UPK1A: variants seen among roughly 807,000 people sequenced by gnomAD.
UPK1A encodes the protein uroplakin-1a.
In UPK1A, 31 loss-of-function variants were observed where a neutral mutation model predicts 32.3. The ratio of observed to expected loss-of-function variants is 0.96; its 90% CI spans 0.72 to 1.30. UPK1A has a LOEUF of 1.30. Among genes scored for constraint, UPK1A ranks in the 50% most tolerant of loss-of-function variants. The pLI is 0.00. For synonymous variants in UPK1A, 135 were observed against 137.1 expected (o/e 0.98, Z 0.11); for missense variants, 340 against 357.4 (o/e 0.95, Z 0.39).
chr19:35,670,520 TCTCCCCTCCCCTCCCCTCCTTTCCC>T (rs1717734597), intron 3 of UPK1A, among the ~76,000 whole-genome samples: 2 of 12,820 alleles, frequency 1.6e-4, no homozygotes, highest in Non-Finnish European at 3.0e-4. Flanking sequence ...CCTCGCCTCC[TCTCCCCTCCCCTCCCCTCCTTTCCC>T]CTCCCCTCCC....
chr19:35,676,876 G>A, intron 6 of UPK1A, among the ~76,000 whole-genome samples: 1 of 151,714 alleles, frequency 6.6e-6, no homozygotes, highest in East Asian at 2.0e-4. Context: ...CCCAGCCTGG[G>A]CGACAGAGTG....
At chr19:35,671,458 CTTT>C (rs34302366) in intron 3 of UPK1A, among the ~76,000 whole-genome samples, 6 of 79,694 alleles carry the variant, frequency 7.5e-5, no homozygotes, top group Admixed American at 1.9e-4. Flanking sequence ...CCCCAAATTT[CTTT>C]TTTTTTTTTT....
At position 35,675,828 on chromosome 19, in the gene UPK1A, T is replaced by A; in HGVS notation, c.469-12T>A. Reference sequence around the variant, plus strand: ...AGCCCGAGCCTGCCTGACCCCCTGCTTTTCACTCTAGCAAGAATGCTGTGG... The same window carrying A: ...AGCCCGAGCCTGCCTGACCCCCTGCATTTCACTCTAGCAAGAATGCTGTGG... On this transcript the variant is annotated splice_polypyrimidine_tract_variant and intron_variant, in intron 5 of 7. Coordinates refer to ENST00000617999, the Ensembl canonical transcript of UPK1A. 6.3e-7 allele frequency: 1 copy of A among 1,597,814 alleles called. No individual in the cohort carries two copies.
At chr19:35,673,588 TC>T in intron 5 of UPK1A, 43 bp downstream of exon 5, 1 of 1,576,512 alleles carries the variant, frequency 6.3e-7, no homozygotes, top group Non-Finnish European at 8.7e-7. Context: ...CTGGGCTCCG[TC>T]CACAGAGGCC....
intron 3 of UPK1A, 91 bp downstream of exon 3, chr19:35,668,745 G>A (rs67400004): frequency 0.13 from 175,165 of 1,389,322 alleles, 12,272 homozygotes; most frequent in South Asian, 0.21. Flanking sequence ...AGCCACTAGT[G>A]TGAGTTCCCC....
chr19:35,676,198 T>TCTTTCTTTCTTTC (rs576312064), intron 6 of UPK1A, 179 bp downstream of exon 6: 46,063 of 812,860 alleles, frequency 0.057, 1,579 homozygotes, highest in Non-Finnish European at 0.058. Context: ...TTTCTTTCTT[T>TCTTTCTTTCTTTC]TTTTTTTTTC....
chr19:35,667,990 A>G lies in UPK1A; in HGVS notation c.85-464A>G, dbSNP rs183659229. The G allele has an allele frequency of 3.6e-5, 8 of 222,490 alleles. No individual in the cohort carries two copies. The East Asian group carries it at 1.0e-3, about 28-fold the overall frequency. 13.8% of individuals were successfully genotyped at this position (222,490 alleles called of 1,614,324 possible). On this transcript the variant is annotated intron_variant, in intron 2 of 7. Coordinates refer to ENST00000617999, the Ensembl canonical transcript of UPK1A. ...TTTTTTGTAGAGACGGGGTCTCACT[A>G]TTGCCCAGGCTAGTCTCAAACTCCT...
intron 6 of UPK1A, 42 bp from the exon 7 acceptor site, chr19:35,677,770 C>G (rs759082745): frequency 3.7e-6 from 6 of 1,610,142 alleles, no homozygotes; most frequent in African/African-American, 1.3e-5. Flanking sequence ...AGCGGCTACC[C>G]TCATGGGCGT....
At chr19:35,676,460 G>A (rs1243502131) in intron 6 of UPK1A, 2 of 253,208 alleles carry the variant, frequency 7.9e-6, no homozygotes, top group East Asian at 2.9e-4. Flanking sequence ...AAAGTGCTCA[G>A]ATTACAGGCG....
exon 3 of UPK1A, chr19:35,668,528 A>G: frequency 6.2e-7 from 1 of 1,614,120 alleles, no homozygotes; most frequent in Non-Finnish European, 8.5e-7. Flanking sequence ...CACTGATGGG[A>G]GTCTCAGGCA....
At chr19:35,673,612 G>A (rs1398521513) in intron 5 of UPK1A, 67 bp downstream of exon 5, 7 of 1,420,984 alleles carry the variant, frequency 4.9e-6, no homozygotes, top group Non-Finnish European at 6.8e-6. Flanking sequence ...TAGAGCTCCC[G>A]ATGTGCCAGC....
intron 5 of UPK1A, among the ~76,000 whole-genome samples, chr19:35,674,380 G>A (rs995458772): frequency 9.3e-5 from 14 of 151,300 alleles, no homozygotes; most frequent in Non-Finnish European, 1.3e-4. Flanking sequence ...CCGAATAGCT[G>A]GGACTACAGG....
chr19:35,671,401 A>AG (rs1054789279), intron 3 of UPK1A, among the ~76,000 whole-genome samples: 1 of 142,574 alleles, frequency 7.0e-6, no homozygotes, highest in Non-Finnish European at 1.5e-5. Flanking sequence ...AAAAAAAAAA[A>AG]TTGTGTCTGT....
chr19:35,669,320 T>C (rs67039774), intron 3 of UPK1A, among the ~76,000 whole-genome samples: 63,061 of 151,676 alleles, frequency 0.42, 14,467 homozygotes, highest in African/African-American at 0.62. Flanking sequence ...GAATAACCCA[T>C]ACTTCCCAAG....
At chr19:35,673,571 G>C in intron 5 of UPK1A, 26 bp downstream of exon 5, 1 of 1,606,832 alleles carries the variant, frequency 6.2e-7, no homozygotes, top group Non-Finnish European at 8.5e-7. Context: ...CGGGTGCTGG[G>C]AGGGCCCTGG....
rs768871477 is a variant in UPK1A at position 35,673,561 on chromosome 19, C to T, written c.468+16C>T. ...CATGATTGAGGTGGGCGGGGTGGACCGGGTGCTGGGAGGGCCCTGGGCTCC... is the reference window on the plus strand; with the variant it reads ...CATGATTGAGGTGGGCGGGGTGGACTGGGTGCTGGGAGGGCCCTGGGCTCC... On this transcript the variant is annotated intron_variant, in intron 5 of 7. Coordinates refer to ENST00000617999, the Ensembl canonical transcript of UPK1A. 7.8e-5 allele frequency: 126 copies of T among 1,610,978 alleles called. No individual in the cohort carries two copies. The highest frequency in any genetic ancestry group is 1.0e-4 in the Non-Finnish European group (120 of 1,178,654).
intron 1 of UPK1A, 28 bp from the exon 2 acceptor site, chr19:35,666,781 T>G: frequency 6.2e-7 from 1 of 1,612,486 alleles, no homozygotes; most frequent in Non-Finnish European, 8.5e-7. Context: ...TTTACGCTCC[T>G]GGCCTCATCC....
At chr19:35,675,902 G>A (rs774174868) in exon 6 of UPK1A, 6 of 1,613,788 alleles carry the variant, frequency 3.7e-6, no homozygotes, top group South Asian at 3.3e-5. Flanking sequence ...CCTTCCGGGC[G>A]GCCACTCCGG....
intron 2 of UPK1A, 101 bp downstream of exon 2, chr19:35,666,997 G>A: frequency 8.2e-7 from 1 of 1,223,982 alleles, no homozygotes; most frequent in Non-Finnish European, 1.2e-6. Context: ...TGTCTCTCGG[G>A]CAGACTCAGT....
Sources: gnomAD v4.1 joint callset for allele counts (sites outside exome capture counted in the v4.1 genomes callset) on GRCh38, gnomAD v4.1.1 for gene constraint, MANE v1.5 for transcripts, NCBI Gene and HGNC (gene_info 2026-07-23, HGNC 2026-07-21) for gene names.